The following CDH7 variants were observed in gnomAD, a reference collection of about 807,000 sequenced individuals.
The protein encoded by CDH7 is cadherin-7.
In CDH7, 25 loss-of-function variants were observed where a neutral mutation model predicts 71.8. The observed-to-expected ratio is 0.35, with a 90% CI of 0.25 to 0.49. The LOEUF (loss-of-function observed/expected upper bound fraction) is 0.49, where lower values mean the gene tolerates loss of function less well. Among genes scored for constraint, CDH7 ranks in the 20% least tolerant of loss-of-function variants. CDH7 has a pLI of 0.99. For missense variants in CDH7, 862 were observed against 974.6 expected, an observed-to-expected ratio of 0.88 and a Z score of 1.54; for synonymous variants, 381 against 363.8, an observed-to-expected ratio of 1.05 and a Z score of -0.54.
At chr18:65,831,731 A>C (rs189368458) in intron 6 of CDH7, among the ~76,000 whole-genome samples, 49 of 152,244 alleles carry the variant, frequency 3.2e-4, no homozygotes, top group African/African-American at 1.1e-3. Flanking sequence ...TCCCTACCAG[A>C]AAGTAGTGGC....
chr18:65,823,412 T>C (rs1020603260), intron 5 of CDH7, among the ~76,000 whole-genome samples: 1 of 151,920 alleles, frequency 6.6e-6, no homozygotes, highest in East Asian at 1.9e-4. Context: ...TAAGCCTAGA[T>C]TGATAAAATT....
At chr18:65,864,464 A>G (rs1470177860) in intron 11 of CDH7, among the ~76,000 whole-genome samples, 1 of 151,596 alleles carries the variant, frequency 6.6e-6, no homozygotes, top group Non-Finnish European at 1.5e-5. Context: ...GCCTAAGACA[A>G]GTATTCTTCT....
At chr18:65,799,420 G>A (rs184101053) in intron 2 of CDH7, among the ~76,000 whole-genome samples, 134 of 152,248 alleles carry the variant, frequency 8.8e-4, no homozygotes, top group African/African-American at 3.1e-3. Context: ...GCTCAAGCCT[G>A]TAATCCCAGC....
intron 2 of CDH7, among the ~76,000 whole-genome samples, chr18:65,775,902 A>G (rs527773079): frequency 6.6e-6 from 1 of 152,196 alleles, no homozygotes; most frequent in Non-Finnish European, 1.5e-5. Flanking sequence ...TATGCCAGGT[A>G]TCCCTCCTCC....
intron 4 of CDH7, among the ~76,000 whole-genome samples, chr18:65,821,234 T>A (rs1911916586): frequency 1.3e-5 from 2 of 152,066 alleles, no homozygotes; most frequent in Non-Finnish European, 2.9e-5. Flanking sequence ...CAATATTTGC[T>A]TTGTTGTAAA....
At position 65,824,637 on chromosome 18, in the gene CDH7, T is replaced by C. The variant is rs754905718; in HGVS notation, c.794-7T>C. The C allele has an allele frequency of 4.0e-6, 6 of 1,504,068 alleles. No individual in the cohort carries two copies. The highest frequency in any genetic ancestry group is 4.5e-6 in the Non-Finnish European group (5 of 1,121,586). The allele number at this position is 1,504,068 out of a possible 1,614,324, so 93.2% of individuals were successfully genotyped here. ...AACGTGTTCATTTCTTGCTTTGAAT[T>C]TCACAGGGTCTTATCAATATAACGT... On this transcript the variant is annotated splice_polypyrimidine_tract_variant and splice_region_variant and intron_variant, in intron 5 of 11. Transcript: ENST00000397968.
At chr18:65,806,960 A>T (rs1012132201) in intron 2 of CDH7, among the ~76,000 whole-genome samples, 1 of 152,174 alleles carries the variant, frequency 6.6e-6, no homozygotes, top group Non-Finnish European at 1.5e-5. Flanking sequence ...CTTTGCAAAG[A>T]CACTGAGTTT....
At chr18:65,867,829 A>G (rs192639593) in intron 11 of CDH7, among the ~76,000 whole-genome samples, 2 of 152,146 alleles carry the variant, frequency 1.3e-5, no homozygotes, top group Non-Finnish European at 1.5e-5. Context: ...CTCAGATTTA[A>G]TAAGGTGTTT....
chr18:65,879,102 G>C (rs1914148138), intron 11 of CDH7, among the ~76,000 whole-genome samples: 1 of 152,144 alleles, frequency 6.6e-6, no homozygotes, highest in Admixed American at 6.5e-5. Context: ...TAAGTGCTCA[G>C]CTTTTTGGTT....
At chr18:65,831,448 A>G (rs1360935268) in intron 6 of CDH7, among the ~76,000 whole-genome samples, 1 of 152,206 alleles carries the variant, frequency 6.6e-6, no homozygotes, top group Admixed American at 6.5e-5. Flanking sequence ...CAATTTCAGA[A>G]GAAAATATTT....
chr18:65,785,387 A>G (rs1034151644), intron 2 of CDH7, among the ~76,000 whole-genome samples: 15 of 152,252 alleles, frequency 9.9e-5, no homozygotes, highest in African/African-American at 3.4e-4. Flanking sequence ...AATACAATTT[A>G]GTAAAAATAT....
intron 2 of CDH7, among the ~76,000 whole-genome samples, chr18:65,789,123 A>G (rs75708826): frequency 0.02 from 3,021 of 152,330 alleles, 38 homozygotes; most frequent in Middle Eastern, 0.048. Context: ...GGAAACATAC[A>G]TATAATATCA....
At chr18:65,870,609 C>T (rs766238366) in intron 11 of CDH7, among the ~76,000 whole-genome samples, 9 of 152,070 alleles carry the variant, frequency 5.9e-5, no homozygotes, top group Non-Finnish European at 7.4e-5. Flanking sequence ...GTAGGAGGAC[C>T]CACAATGCGT....
intron 1 of CDH7, among the ~76,000 whole-genome samples, chr18:65,753,814 G>C (rs1915952844): frequency 6.6e-6 from 1 of 152,182 alleles, no homozygotes; most frequent in African/African-American, 2.4e-5. Flanking sequence ...TTTTCTGCAA[G>C]TCTCACAGAT....
intron 1 of CDH7, among the ~76,000 whole-genome samples, chr18:65,758,657 C>A (rs936289038): frequency 6.6e-6 from 1 of 152,156 alleles, no homozygotes. Context: ...AAGGTAAAGA[C>A]AATTTAGCTC....
chr18:65,830,600 C>T (rs1471879598), intron 6 of CDH7, among the ~76,000 whole-genome samples: 2 of 30,380 alleles, frequency 6.6e-5, no homozygotes, highest in Non-Finnish European at 4.1e-4. Context: ...TTCCCTCCCC[C>T]CTTCCCTTTC....
chr18:65,783,713 T>C (rs1277594910), intron 2 of CDH7, among the ~76,000 whole-genome samples: 2 of 152,140 alleles, frequency 1.3e-5, no homozygotes, highest in South Asian at 2.1e-4. Flanking sequence ...GACACCGTAT[T>C]TTATTAGTCT....
intron 2 of CDH7, among the ~76,000 whole-genome samples, chr18:65,792,054 A>G (rs1910730275): frequency 6.6e-6 from 1 of 152,084 alleles, no homozygotes; most frequent in African/African-American, 2.4e-5. Context: ...TACATTAACT[A>G]TTTATCACAT....
intron 4 of CDH7, among the ~76,000 whole-genome samples, chr18:65,820,245 A>G (rs1911872983): frequency 2.0e-5 from 3 of 151,110 alleles, no homozygotes; most frequent in Admixed American, 6.6e-5. Context: ...AATATGAGCC[A>G]GTGTCTTTTT....
Sources: allele counts gnomAD v4.1 joint callset (sites outside exome capture counted in the v4.1 genomes callset), GRCh38; gene constraint gnomAD v4.1.1; transcripts MANE v1.5; gene names NCBI Gene and HGNC (gene_info 2026-07-23, HGNC 2026-07-21).